The following GRID2 variants were observed in gnomAD, a reference collection of about 807,000 sequenced individuals.
The protein encoded by GRID2 is glutamate receptor ionotropic, delta-2.
In GRID2, 33 loss-of-function variants were observed where a neutral mutation model predicts 114.8. The observed-to-expected ratio is 0.29, with a 90% confidence interval of 0.22 to 0.38. The LOEUF (loss-of-function observed/expected upper bound fraction) is 0.38, where lower values mean the gene tolerates loss of function less well. Ranked by LOEUF, GRID2 falls within the 10% of genes least tolerant of loss-of-function variation. The probability of loss-of-function intolerance (pLI) is 1.00; values close to 1 mark genes in which losing one functional copy is unlikely to be tolerated. For missense variants in GRID2, 1,184 were observed against 1,257.7 expected (o/e 0.94, Z 0.89); for synonymous variants, 505 against 449.9 (o/e 1.12, Z -1.55).
At chr4:93,175,615 A>G (rs1739282811) in intron 4 of GRID2, among the ~76,000 whole-genome samples, 1 of 152,180 alleles carries the variant, frequency 6.6e-6, no homozygotes, top group Admixed American at 6.5e-5. Flanking sequence ...AGGGATTTAT[A>G]AGCCAAAACA....
chr4:93,537,650 A>G (rs2149522822), intron 13 of GRID2, among the ~76,000 whole-genome samples: 1 of 151,932 alleles, frequency 6.6e-6, no homozygotes, highest in East Asian at 1.9e-4. Context: ...ATTTGATTGA[A>G]AGGAAATTGC....
At chr4:92,406,559 T>A (rs1252418322) in intron 1 of GRID2, among the ~76,000 whole-genome samples, 1 of 152,026 alleles carries the variant, frequency 6.6e-6, no homozygotes, top group African/African-American at 2.4e-5. Context: ...AAATGTCAAC[T>A]TTTATTATAG....
chr4:93,412,888 C>T (rs1304680167), intron 9 of GRID2, among the ~76,000 whole-genome samples: 1 of 152,124 alleles, frequency 6.6e-6, no homozygotes. Flanking sequence ...AGAATGATGG[C>T]TTCCAGCTTC....
intron 2 of GRID2, among the ~76,000 whole-genome samples, chr4:92,594,829 AAC>A (rs1231198759): frequency 6.6e-6 from 1 of 152,024 alleles, no homozygotes; most frequent in African/African-American, 2.4e-5. Flanking sequence ...TTTTGTGAAA[AAC>A]ACTGCTGTCG....
chr4:93,561,969 G>T (rs1234943653), intron 13 of GRID2, among the ~76,000 whole-genome samples: 1 of 152,108 alleles, frequency 6.6e-6, no homozygotes, highest in African/African-American at 2.4e-5. Context: ...TGGAAATTAT[G>T]AATAAAGCTG....
At chr4:93,634,621 A>G (rs2149703559) in intron 14 of GRID2, among the ~76,000 whole-genome samples, 1 of 152,242 alleles carries the variant, frequency 6.6e-6, no homozygotes, top group East Asian at 1.9e-4. Context: ...GTCCTTATGC[A>G]GCACCGTTCA....
chr4:92,821,202 A>T (rs1051103308), intron 2 of GRID2, among the ~76,000 whole-genome samples: 1 of 152,188 alleles, frequency 6.6e-6, no homozygotes, highest in African/African-American at 2.4e-5. Context: ...GTTTATTTCT[A>T]AAGTAATGAG....
At chr4:92,772,828 T>C (rs998697086) in intron 2 of GRID2, among the ~76,000 whole-genome samples, 1 of 152,176 alleles carries the variant, frequency 6.6e-6, no homozygotes, top group Non-Finnish European at 1.5e-5. Context: ...TGTTGTATGG[T>C]GAATAGCACA....
At chr4:92,586,005 T>C (rs1425290441) in intron 1 of GRID2, among the ~76,000 whole-genome samples, 1 of 150,408 alleles carries the variant, frequency 6.6e-6, no homozygotes, top group East Asian at 2.0e-4. Context: ...TTTTATAAGA[T>C]TATATCTATT....
chr4:92,721,478 A>C (rs1377034874), intron 2 of GRID2, among the ~76,000 whole-genome samples: 1 of 152,106 alleles, frequency 6.6e-6, no homozygotes, highest in Non-Finnish European at 1.5e-5. Flanking sequence ...TAGGGAAAAT[A>C]ATATATTATT....
intron 2 of GRID2, among the ~76,000 whole-genome samples, chr4:92,863,478 C>T (rs1560649164): frequency 6.6e-6 from 1 of 152,040 alleles, no homozygotes; most frequent in Admixed American, 6.6e-5. Context: ...CAATAAATGA[C>T]AACGGAAAAT....
intron 5 of GRID2, among the ~76,000 whole-genome samples, chr4:93,215,751 A>G (rs536221677): frequency 1.3e-5 from 2 of 152,216 alleles, no homozygotes; most frequent in Admixed American, 1.3e-4. Flanking sequence ...TAAGAAAAAA[A>G]GAACATTTAC....
intron 13 of GRID2, among the ~76,000 whole-genome samples, chr4:93,535,880 G>A (rs898992544): frequency 2.0e-5 from 3 of 151,802 alleles, no homozygotes; most frequent in African/African-American, 4.8e-5. Flanking sequence ...TTCCTTTGAC[G>A]TGCAGAGCTT....
chr4:92,500,249 A>T lies in GRID2; in HGVS notation c.89-89882A>T, dbSNP rs577500046. Among the ~76,000 whole-genome samples, 4 of 152,128 alleles carry T rather than the reference A, an allele frequency of 2.6e-5. No individual in the cohort carries two copies. The East Asian group carries it at 7.8e-4, about 30-fold the overall frequency. On this transcript the variant is annotated intron_variant, in intron 1 of 15. Coordinates refer to ENST00000282020, the MANE Select transcript of GRID2 (RefSeq NM_001510.4). ...AATATCAGCATTGTTTTCACACTTT[A>T]AAAAATTTTTTCTTTCATAATTTCT...
At chr4:92,637,530 C>T (rs1731131547) in intron 2 of GRID2, among the ~76,000 whole-genome samples, 1 of 151,882 alleles carries the variant, frequency 6.6e-6, no homozygotes, top group South Asian at 2.1e-4. Flanking sequence ...GAGAACTTTT[C>T]TTTTTGTTGA....
chr4:93,719,484 C>T (rs948134045), intron 14 of GRID2, among the ~76,000 whole-genome samples: 1 of 151,772 alleles, frequency 6.6e-6, no homozygotes, highest in South Asian at 2.1e-4. Context: ...TTCTTGCCCA[C>T]ATCATAGCTT....
At chr4:93,524,823 G>GTATATATATATA (rs1300787035) in intron 13 of GRID2, among the ~76,000 whole-genome samples, 10 of 59,900 alleles carry the variant, frequency 1.7e-4, no homozygotes, top group Non-Finnish European at 2.4e-4. Flanking sequence ...ATGTATGTAT[G>GTATATATATATA]TATATATATA....
intron 2 of GRID2, among the ~76,000 whole-genome samples, chr4:93,038,515 GTGTGGT>G (rs1477297966): frequency 1.3e-5 from 2 of 152,184 alleles, no homozygotes; most frequent in African/African-American, 4.8e-5. Flanking sequence ...AACAGGCCAG[GTGTGGT>G]GGCTCACGCC....
chr4:92,556,846 A>C (rs1026663244), intron 1 of GRID2, among the ~76,000 whole-genome samples: 3 of 152,166 alleles, frequency 2.0e-5, no homozygotes, highest in Non-Finnish European at 2.9e-5. Flanking sequence ...ATTATTAGAT[A>C]CAAATCAATA....
Sources: gnomAD v4.1 joint callset for allele counts (sites outside exome capture counted in the v4.1 genomes callset) on GRCh38, gnomAD v4.1.1 for gene constraint, MANE v1.5 for transcripts, NCBI Gene and HGNC (gene_info 2026-07-23, HGNC 2026-07-21) for gene names.